Variants in ADGRD2 observed in about 807,000 individuals in gnomAD.
ADGRD2 encodes adhesion G protein-coupled receptor D2, also known as G protein-coupled receptor PGR24.
A neutral mutation model predicts 44.4 loss-of-function variants in ADGRD2; 71 were observed. The ratio of observed to expected loss-of-function variants is 1.60; its 90% CI spans 1.32 to 1.95. ADGRD2 has a LOEUF of 1.95. ADGRD2 is among the 30% of genes most tolerant of loss of function. ADGRD2 has a pLI of 0.00. For missense variants in ADGRD2, 1,039 were observed against 512.4 expected (o/e 2.03, Z -9.92); for synonymous variants, 481 against 224.8 (o/e 2.14, Z -10.19).
At chr9:124,476,582 C>T (rs961021682) in intron 20 of ADGRD2, 97 bp from the exon 24 acceptor site, 11 of 639,784 alleles carry the variant, frequency 1.7e-5, no homozygotes, top group East Asian at 1.1e-4. Flanking sequence ...GAGCTGCTGG[C>T]GGCAAGCTGG....
intron 16 of ADGRD2, among the ~76,000 whole-genome samples, chr9:124,469,880 G>A (rs1227901586): frequency 6.6e-6 from 1 of 152,226 alleles, no homozygotes; most frequent in Non-Finnish European, 1.5e-5. Flanking sequence ...AGACAAAGTA[G>A]GGGAGACCCT....
At chr9:124,469,568 G>A (rs751934534) in intron 16 of ADGRD2, 21 bp downstream of exon 19, 18 of 716,824 alleles carry the variant, frequency 2.5e-5, no homozygotes, top group Non-Finnish European at 3.6e-5. Flanking sequence ...AGAATGGGGG[G>A]CCAGCAGGAA....
intron 17 of ADGRD2, among the ~76,000 whole-genome samples, chr9:124,473,562 AGTT>A (rs1831990997): frequency 6.6e-6 from 1 of 152,210 alleles, no homozygotes; most frequent in African/African-American, 2.4e-5. Flanking sequence ...TGTTTTGTTC[AGTT>A]GTTCAACACG....
In ADGRD2 at chr9:124,467,726, C is replaced by A. The variant is rs371706486; in HGVS notation, c.2034C>A (p.Gly678=). Residue 678 remains glycine, a synonymous_variant, in exon 12 of 22, where the codon GGC becomes GGA. Coordinates refer to ENST00000334810, the Ensembl canonical transcript of ADGRD2. ...TTCTCTGTCCCTCCACACAGAGAGG[C>A]CCTGAGGAGGAGTCGCTGCTGAGGA... 9.6e-5 allele frequency: 69 copies of A among 718,324 alleles called. No homozygotes were observed. In the African/African-American group the frequency reaches 1.2e-3, roughly 12 times the overall value. 44.5% of individuals were successfully genotyped at this position (718,324 alleles called of 1,614,324 possible). A position where few individuals can be genotyped will look rare whatever the true frequency, so the allele number is the denominator to read the frequency against.
In ADGRD2 at chr9:124,469,168, T is replaced by C. The variant is rs1042969059; in HGVS notation, c.2388-54T>C. On this transcript the variant is annotated intron_variant, in intron 14 of 21. Coordinates refer to ENST00000334810, the Ensembl canonical transcript of ADGRD2. Reference sequence around the variant, plus strand: ...GGCTTGGGGGGCGGATCCTGGGTCCTGGAGAGGAAAAAGCAGGTGACCCAG... The same window carrying C: ...GGCTTGGGGGGCGGATCCTGGGTCCCGGAGAGGAAAAAGCAGGTGACCCAG... 10 of 676,438 alleles carry C rather than the reference T, an allele frequency of 1.5e-5. No individual in the cohort carries two copies. In the Admixed American group the frequency reaches 1.7e-4, roughly 11 times the overall value. The allele number at this position is 676,438 out of a possible 1,614,324, so 41.9% of individuals were successfully genotyped here.
rs1831624122 is a variant in ADGRD2, at chr9:124,456,698, AG to A, written c.1471del (p.Glu491AspfsTer21). On this transcript the variant is annotated frameshift_variant, in exon 7 of 22. Coordinates refer to ENST00000334810, the Ensembl canonical transcript of ADGRD2. LOFTEE classifies it high-confidence loss of function. ...CTGCTGAGCACCTCAATGACCTCAGAGCGGCCCCGAATGCGCATCCAGCACC... is the reference window on the plus strand; with the variant it reads ...CTGCTGAGCACCTCAATGACCTCAGACGGCCCCGAATGCGCATCCAGCACC... 1.4e-6 allele frequency: 1 copy of A among 713,508 alleles called. No homozygotes were observed. Among genetic ancestry groups the A allele is most frequent in the Non-Finnish European group, 2.6e-6 (1 of 385,008 alleles). The allele number at this position is 713,508 out of a possible 1,614,324, so 44.2% of individuals were successfully genotyped here. A position where few individuals can be genotyped will look rare whatever the true frequency, so the allele number is the denominator to read the frequency against.
chr9:124,459,950 A>G (rs969896994), intron 10 of ADGRD2, among the ~76,000 whole-genome samples: 9 of 152,132 alleles, frequency 5.9e-5, no homozygotes, highest in Non-Finnish European at 1.3e-4. Flanking sequence ...GTATTTCTCT[A>G]TAAACTGACG....
intron 1 of ADGRD2, 67 bp from the exon 5 acceptor site, chr9:124,452,443 C>T (rs1021082903): frequency 2.8e-6 from 2 of 715,852 alleles, no homozygotes; most frequent in African/African-American, 1.7e-5. Flanking sequence ...TCCTTGGCTC[C>T]GCCCAGCCCT....
intron 10 of ADGRD2, among the ~76,000 whole-genome samples, chr9:124,461,938 G>T (rs1006943634): frequency 4.6e-5 from 7 of 151,998 alleles, no homozygotes; most frequent in Non-Finnish European, 8.8e-5. Context: ...GTAGAGACGG[G>T]GTTTCACCAT....
intron 10 of ADGRD2, 113 bp from the exon 14 acceptor site, chr9:124,466,145 G>T: frequency 2.1e-6 from 1 of 470,100 alleles, no homozygotes. Context: ...GCGGTGACTC[G>T]CCAAGGTCAC....
exon 2 of ADGRD2, chr9:124,452,605 G>C (rs753650134): frequency 2.8e-6 from 2 of 718,362 alleles, no homozygotes; most frequent in Non-Finnish European, 5.2e-6. Context: ...AGAGTCCTGC[G>C]AGCAGCAGTT....
chr9:124,474,867 C>A (rs564953186), intron 17 of ADGRD2, among the ~76,000 whole-genome samples: 1 of 152,314 alleles, frequency 6.6e-6, no homozygotes, highest in East Asian at 1.9e-4. Context: ...GTGAGGCCCT[C>A]TTGGTCCCAC....
chr9:124,459,165 A>G (rs1411500546), intron 10 of ADGRD2, among the ~76,000 whole-genome samples: 1 of 152,208 alleles, frequency 6.6e-6, no homozygotes, highest in Non-Finnish European at 1.5e-5. Context: ...AAATAAAAAT[A>G]ACCTAAATGT....
chr9:124,478,523 C>G (rs1156448074), exon 22 of ADGRD2: 2 of 152,802 alleles, frequency 1.3e-5, no homozygotes, highest in African/African-American at 4.8e-5. Flanking sequence ...CTCCTTCCCC[C>G]ATGCTCCGAA....
chr9:124,451,045 C>T (rs143411077), upstream of ADGRD2: 39 of 471,666 alleles, frequency 8.3e-5, no homozygotes, highest in East Asian at 2.4e-3. Context: ...CCAGCCGGAA[C>T]CACAAGCTGA....
intron 6 of ADGRD2, among the ~76,000 whole-genome samples, chr9:124,456,245 C>T (rs1831614440): frequency 6.6e-6 from 1 of 152,242 alleles, no homozygotes; most frequent in Admixed American, 6.5e-5. Flanking sequence ...TCCTCTCCTC[C>T]CTCCCCTGCT....
exon 3 of ADGRD2, chr9:124,453,157 G>T (rs940768081): frequency 1.4e-6 from 1 of 700,378 alleles, no homozygotes; most frequent in African/African-American, 1.8e-5. Context: ...GTGGGACTGT[G>T]CCTCGCCCGA....
Position 124,454,046 on chromosome 9 carries a change from G to A in ADGRD2, c.973G>A (p.Gly325Ser). The change falls in exon 4 of 22, where the codon GGC (glycine) becomes AGC (serine). Residue 325 changes from glycine to serine, a missense_variant. Coordinates refer to ENST00000334810, the Ensembl canonical transcript of ADGRD2. The surrounding 1 kb of genome is among the most constrained non-coding windows in gnomAD (Gnocchi z 4.5). ...GTGGAACCCGGGACCTCGCAGTGAG[G>A]GCTCTGAGCTCTGCCTGGAGCCGCA... The A allele has an allele frequency of 1.4e-6, 1 of 714,262 alleles. No homozygotes were observed. Among genetic ancestry groups the A allele is most frequent in the South Asian group, 1.5e-5 (1 of 67,170 alleles). The allele number at this position is 714,262 out of a possible 1,614,324, so 44.2% of individuals were successfully genotyped here. A position where few individuals can be genotyped will look rare whatever the true frequency, so the allele number is the denominator to read the frequency against.
intron 6 of ADGRD2, among the ~76,000 whole-genome samples, chr9:124,455,589 CA>C (rs34178298): frequency 0.55 from 78,184 of 142,640 alleles, 20,964 homozygotes; most frequent in Middle Eastern, 0.66. Context: ...GACTCTGTCT[CA>C]AAAAAAAAAA....
Sources: gnomAD v4.1 joint callset for allele counts (sites outside exome capture counted in the v4.1 genomes callset) on GRCh38, gnomAD v4.1.1 for gene constraint, Gnocchi (gnomAD v3.1) non-coding constraint, MANE v1.5 for transcripts, NCBI Gene and HGNC (gene_info 2026-07-23, HGNC 2026-07-21) for gene names.